ESR2: variants seen among roughly 807,000 people sequenced by gnomAD.
The protein encoded by ESR2 is estrogen receptor beta.
A neutral mutation model predicts 49.6 loss-of-function variants in ESR2; 36 were observed. The ratio of observed to expected loss-of-function variants is 0.73; its 90% CI spans 0.56 to 0.96. The LOEUF is 0.96. Ranked by LOEUF, ESR2 falls within the 40% of genes least tolerant of loss-of-function variation. The probability of loss-of-function intolerance (pLI) is 0.00; values close to 1 mark genes in which losing one functional copy is unlikely to be tolerated. For missense variants in ESR2, 714 were observed against 693.0 expected, an observed-to-expected ratio of 1.03 and a Z score of -0.34; for synonymous variants, 320 against 266.1, an observed-to-expected ratio of 1.20 and a Z score of -1.97.
At chr14:64,329,254 C>T (rs1204167224) in intron 1 of ESR2, among the ~76,000 whole-genome samples, 1 of 152,072 alleles carries the variant, frequency 6.6e-6, no homozygotes, top group African/African-American at 2.4e-5. Flanking sequence ...AGAGTGAGAA[C>T]GAACTTACTC....
intron 4 of ESR2, among the ~76,000 whole-genome samples, chr14:64,264,506 AG>A (rs1318211928): frequency 2.6e-5 from 4 of 152,200 alleles, no homozygotes; most frequent in Non-Finnish European, 4.4e-5. Flanking sequence ...ATACATGTGC[AG>A]AACATGCAGG....
At chr14:64,236,477 T>A (rs1413949618) in intron 7 of ESR2, among the ~76,000 whole-genome samples, 1 of 152,022 alleles carries the variant, frequency 6.6e-6, no homozygotes, top group African/African-American at 2.4e-5. Context: ...GCAGATCTGC[T>A]CATGGGGCTC....
chr14:64,313,533 A>AAAC (rs1447206815), intron 1 of ESR2, among the ~76,000 whole-genome samples: 24 of 149,360 alleles, frequency 1.6e-4, no homozygotes, highest in African/African-American at 4.6e-4. Context: ...GCTCTGTCAA[A>AAAC]AAAAAAAAAA....
rs72548761 is a variant in ESR2, at chr14:64,245,447, G to A, written c.1225+4099C>T. Among the ~76,000 whole-genome samples, 892 of 146,598 alleles carry A rather than the reference G, an allele frequency of 6.1e-3. 9 individuals carry two copies. The highest frequency in any genetic ancestry group is 0.021 in the African/African-American group (820 of 39,614). ...GAACTGTTTTAAGCCAGGAGGTAGA[G>A]GTTGCAGTGAGCCAAGATCGCACCA... On this transcript the variant is annotated intron_variant, in intron 7 of 8. Coordinates refer to ENST00000341099, the MANE Select transcript of ESR2 (RefSeq NM_001437.3).
At chr14:64,233,600 C>T (rs951854273) in intron 8 of ESR2, 9 of 391,146 alleles carry the variant, frequency 2.3e-5, no homozygotes, top group East Asian at 1.6e-4. Context: ...AATTATGTTC[C>T]GTAAAGTCAC....
chr14:64,321,312 A>AAC (rs2077322154), intron 1 of ESR2, among the ~76,000 whole-genome samples: 1 of 146,916 alleles, frequency 6.8e-6, no homozygotes. Flanking sequence ...TCTAGAAGCA[A>AAC]AAAAAAAAAA....
chr14:64,331,486 T>G (rs2077457324), intron 1 of ESR2, among the ~76,000 whole-genome samples: 1 of 152,114 alleles, frequency 6.6e-6, no homozygotes, highest in South Asian at 2.1e-4. Context: ...CAGTCCACAC[T>G]GCACAGGAAG....
At chr14:64,307,313 G>A (rs192253790) in intron 1 of ESR2, among the ~76,000 whole-genome samples, 225 of 151,672 alleles carry the variant, frequency 1.5e-3, no homozygotes, top group African/African-American at 5.3e-3. Context: ...CTGGGTTCAA[G>A]TGATCCTCCT....
chr14:64,301,076 CAG>C (rs2140865320), intron 1 of ESR2, among the ~76,000 whole-genome samples: 1 of 152,274 alleles, frequency 6.6e-6, no homozygotes, highest in East Asian at 1.9e-4. Context: ...GATTAAGACT[CAG>C]AGAATTTAAG....
chr14:64,257,422 G>T, intron 5 of ESR2, 58 bp from the exon 6 acceptor site: 1 of 1,592,798 alleles, frequency 6.3e-7, no homozygotes, highest in Non-Finnish European at 8.5e-7. Flanking sequence ...CTCCCTGTGT[G>T]TGTAGAGACA....
chr14:64,258,927 C>G (rs764092027), intron 5 of ESR2, among the ~76,000 whole-genome samples: 1 of 152,148 alleles, frequency 6.6e-6, no homozygotes, highest in Non-Finnish European at 1.5e-5. Flanking sequence ...ATCACGCCTT[C>G]AGATTATGTC....
chr14:64,308,801 C>T (rs1274664337), intron 1 of ESR2, among the ~76,000 whole-genome samples: 1 of 151,630 alleles, frequency 6.6e-6, no homozygotes, highest in African/African-American at 2.4e-5. Flanking sequence ...TTTTTAGAGA[C>T]AGAGTCTCAC....
rs138777259 is a variant in ESR2 at position 64,320,502 on chromosome 14, G to A, written c.-91+17396C>T. ...GGGCAGTGAAACCATTCTGTATGAT[G>A]ATGTAATGATGGATACTTGTAATTA... On this transcript the variant is annotated intron_variant, in intron 1 of 8. Coordinates refer to the ESR2 transcript ENST00000358599. 3.0e-3 allele frequency among the ~76,000 whole-genome samples: 450 copies of A among 152,304 alleles called. 1 individual carries two copies. Among genetic ancestry groups the A allele is most frequent in the African/African-American group, 0.01 (430 of 41,568 alleles).
chr14:64,315,874 C>T (rs879301186), intron 1 of ESR2, among the ~76,000 whole-genome samples: 10 of 151,954 alleles, frequency 6.6e-5, no homozygotes, highest in Non-Finnish European at 1.3e-4. Flanking sequence ...AGGATGGTCT[C>T]CATCTCTTGA....
At chr14:64,227,592 GTGTT>G, downstream of ESR2, 4 of 1,614,194 alleles carry the variant, frequency 2.5e-6, no homozygotes, top group East Asian at 4.5e-5. Flanking sequence ...AATGAGGTGA[GTGTT>G]TGAGAGGCCT....
chr14:64,309,879 G>A (rs1233887834), intron 1 of ESR2, among the ~76,000 whole-genome samples: 3 of 152,084 alleles, frequency 2.0e-5, no homozygotes, highest in Non-Finnish European at 4.4e-5. Context: ...AAGGTCAGGA[G>A]ATCGAGACCA....
At chr14:64,297,793 G>A (rs1439384643), upstream of ESR2, 1 of 152,106 alleles carries the variant, frequency 6.6e-6, no homozygotes, top group Non-Finnish European at 1.5e-5. Context: ...GTCTAGAAGG[G>A]TGTCATGCCA....
chr14:64,305,165 C>T (rs2077073959), intron 1 of ESR2, among the ~76,000 whole-genome samples: 1 of 151,040 alleles, frequency 6.6e-6, no homozygotes, highest in Non-Finnish European at 1.5e-5. Flanking sequence ...GTGGCGGGCG[C>T]CTGTAGTCCC....
rs557419348 is a variant in ESR2, at chr14:64,292,161, G to A, written c.-91+1872C>T. 5.3e-5 allele frequency among the ~76,000 whole-genome samples: 8 copies of A among 152,110 alleles called. No homozygotes were observed. The South Asian group carries it at 1.7e-3, about 32-fold the overall frequency. On this transcript the variant is annotated intron_variant, in intron 1 of 8. Coordinates refer to ENST00000341099, the MANE Select transcript of ESR2 (RefSeq NM_001437.3). ...TTGTCTTTGCCTTGATTTATCCCAAGGTACTAGAATTAAAAATAGCACAAA... is the reference window on the plus strand; with the variant it reads ...TTGTCTTTGCCTTGATTTATCCCAAAGTACTAGAATTAAAAATAGCACAAA...
Sources: allele counts gnomAD v4.1 joint callset (sites outside exome capture counted in the v4.1 genomes callset), GRCh38; gene constraint gnomAD v4.1.1; transcripts MANE v1.5; gene names NCBI Gene and HGNC (gene_info 2026-07-23, HGNC 2026-07-21).